UGT2A1: variants seen among roughly 807,000 people sequenced by gnomAD.
The protein encoded by UGT2A1 is UDP-glucuronosyltransferase 2A1.
In UGT2A1, 61 loss-of-function variants were observed where a neutral mutation model predicts 45.4. The observed-to-expected ratio is 1.34, with a 90% CI of 1.09 to 1.66. The LOEUF (loss-of-function observed/expected upper bound fraction) is 1.66, where lower values mean the gene tolerates loss of function less well. Among genes scored for constraint, UGT2A1 ranks in the 40% most tolerant of loss-of-function variants. The probability of loss-of-function intolerance (pLI) is 0.00; values close to 1 mark genes in which losing one functional copy is unlikely to be tolerated. For synonymous variants in UGT2A1, 229 were observed against 196.2 expected (o/e 1.17, Z -1.40); for missense variants, 649 against 574.3 (o/e 1.13, Z -1.33).
chr4:69,648,981 G>A (rs1722402284), intron 1 of UGT2A1, among the ~76,000 whole-genome samples: 2 of 152,020 alleles, frequency 1.3e-5, no homozygotes, highest in African/African-American at 2.4e-5. Flanking sequence ...CCAAAAGCAT[G>A]CTAACACAAT....
chr4:69,606,440 T>C lies in UGT2A1; in HGVS notation c.848-7046A>G, dbSNP rs530541745. ...ATGTATCTCAAAATAATAAGAGCTATCTATGACAGACCCACAGCCAATATC... is the reference window on the plus strand; with the variant it reads ...ATGTATCTCAAAATAATAAGAGCTACCTATGACAGACCCACAGCCAATATC... On this transcript the variant is annotated intron_variant, in intron 3 of 6. Coordinates refer to ENST00000286604, the MANE Select transcript of UGT2A1 (RefSeq NM_001252275.3). Among the ~76,000 whole-genome samples, 18 of 136,578 alleles carry C rather than the reference T, an allele frequency of 1.3e-4. 4 individuals carry two copies. The highest frequency in any genetic ancestry group is 5.0e-4 in the African/African-American group (17 of 33,682). 89.6% of individuals were successfully genotyped at this position (136,578 alleles called of 152,430 possible).
intron 4 of UGT2A1, chr4:69,596,458 G>A: frequency 1.4e-6 from 2 of 1,387,514 alleles, no homozygotes; most frequent in East Asian, 2.6e-5. Flanking sequence ...CATTTAAGTA[G>A]GTAAAATTAA....
chr4:69,633,398 GA>G (rs1291071242), intron 3 of UGT2A1, among the ~76,000 whole-genome samples: 1 of 152,104 alleles, frequency 6.6e-6, no homozygotes, highest in Non-Finnish European at 1.5e-5. Context: ...AACCTTTTGG[GA>G]AACTAAATTT....
At chr4:69,635,533 G>A (rs1475515777) in intron 3 of UGT2A1, among the ~76,000 whole-genome samples, 158 bp downstream of exon 3, 1 of 152,122 alleles carries the variant, frequency 6.6e-6, no homozygotes, top group Non-Finnish European at 1.5e-5. Flanking sequence ...AGTTGAGGAA[G>A]AAATAAAGTT....
intron 3 of UGT2A1, among the ~76,000 whole-genome samples, chr4:69,626,884 T>C (rs1019159535): frequency 6.6e-6 from 1 of 151,842 alleles, no homozygotes; most frequent in African/African-American, 2.4e-5. Flanking sequence ...AGTTCCTGTA[T>C]TCTTTTGAAA....
intron 3 of UGT2A1, among the ~76,000 whole-genome samples, chr4:69,607,266 G>T (rs79471843): frequency 6.7e-6 from 1 of 148,424 alleles, no homozygotes; most frequent in Admixed American, 6.7e-5. Context: ...ATAATGCTGC[G>T]TATCTACAAC....
chr4:69,621,114 C>T (rs72637477), intron 3 of UGT2A1, among the ~76,000 whole-genome samples: 5,115 of 151,902 alleles, frequency 0.034, 119 homozygotes, highest in Non-Finnish European at 0.056. Flanking sequence ...ACAAAGATGC[C>T]GAAAGCAATC....
At chr4:69,622,116 T>C (rs1232860267) in intron 3 of UGT2A1, among the ~76,000 whole-genome samples, 1 of 151,908 alleles carries the variant, frequency 6.6e-6, no homozygotes, top group Non-Finnish European at 1.5e-5. Flanking sequence ...TGTACCACAT[T>C]ACCTGTGTAA....
intron 3 of UGT2A1, among the ~76,000 whole-genome samples, chr4:69,626,934 T>G (rs1338159428): frequency 6.6e-6 from 1 of 151,862 alleles, no homozygotes; most frequent in Non-Finnish European, 1.5e-5. Context: ...TTTTTGGTAT[T>G]ACTAGATGGT....
At chr4:69,651,594 G>A (rs1251562060) in intron 1 of UGT2A1, among the ~76,000 whole-genome samples, 4 of 152,260 alleles carry the variant, frequency 2.6e-5, no homozygotes, top group African/African-American at 7.2e-5. Flanking sequence ...GGAATGTCAG[G>A]TGACAGTTCC....
chr4:69,613,261 T>A (rs965559168), intron 3 of UGT2A1, among the ~76,000 whole-genome samples: 4 of 151,846 alleles, frequency 2.6e-5, no homozygotes, highest in Non-Finnish European at 5.9e-5. Flanking sequence ...CCTAGACATA[T>A]ATAGCCCATA....
rs1372593326 is a variant in UGT2A1, at chr4:69,595,032, A to T, written c.1084+130T>A. 19 of 1,300,326 alleles carry T rather than the reference A, an allele frequency of 1.5e-5. 2 individuals are homozygous for T. In the South Asian group the frequency reaches 2.4e-4, roughly 16 times the overall value. The allele number at this position is 1,300,326 out of a possible 1,614,324, so 80.5% of individuals were successfully genotyped here. Reference sequence around the variant, plus strand: ...AATTAATGGCCAATTATGTAATTATATCTGCTTTAAAATTGAGTGTCAAAT... The same window carrying T: ...AATTAATGGCCAATTATGTAATTATTTCTGCTTTAAAATTGAGTGTCAAAT... On this transcript the variant is annotated intron_variant, in intron 5 of 6. Coordinates refer to ENST00000286604, the MANE Select transcript of UGT2A1 (RefSeq NM_001252275.3).
chr4:69,617,763 C>G (rs1198298873), intron 3 of UGT2A1, among the ~76,000 whole-genome samples: 2 of 151,696 alleles, frequency 1.3e-5, no homozygotes, highest in African/African-American at 2.4e-5. Context: ...TTATAATACA[C>G]TTACTATCTA....
chr4:69,615,207 A>C (rs1412539571), intron 3 of UGT2A1, among the ~76,000 whole-genome samples: 1 of 151,968 alleles, frequency 6.6e-6, no homozygotes, highest in African/African-American at 2.4e-5. Context: ...CACCCTGAAA[A>C]ATTAAATCAC....
At chr4:69,609,451 CT>C (rs1347008625) in intron 3 of UGT2A1, among the ~76,000 whole-genome samples, 1 of 151,978 alleles carries the variant, frequency 6.6e-6, no homozygotes, top group East Asian at 1.9e-4. Context: ...ATACCTTGGC[CT>C]CCTAAAGAGC....
At chr4:69,614,632 A>G (rs562775044) in intron 3 of UGT2A1, among the ~76,000 whole-genome samples, 2 of 152,172 alleles carry the variant, frequency 1.3e-5, no homozygotes, top group South Asian at 4.1e-4. Flanking sequence ...ATATAGACCA[A>G]TGGAATAGAA....
intron 4 of UGT2A1, among the ~76,000 whole-genome samples, chr4:69,595,739 A>T (rs955852042): frequency 3.3e-5 from 5 of 152,222 alleles, no homozygotes; most frequent in South Asian, 2.1e-4. Context: ...TTGAATTTTA[A>T]TTGTTTTTAG....
At chr4:69,605,688 A>G (rs908807288) in intron 3 of UGT2A1, among the ~76,000 whole-genome samples, 3 of 137,012 alleles carry the variant, frequency 2.2e-5, no homozygotes, top group African/African-American at 8.9e-5. Context: ...AGACTAATAA[A>G]GAAGAAAAGA....
intron 4 of UGT2A1, among the ~76,000 whole-genome samples, chr4:69,597,729 CACACACAAACATACACAT>C (rs1315219110): frequency 3.9e-5 from 6 of 151,984 alleles, no homozygotes; most frequent in Non-Finnish European, 5.9e-5. Flanking sequence ...CACACACACA[CACACACAAACATACACAT>C]ACACACAAAC....
Sources: allele counts gnomAD v4.1 joint callset (sites outside exome capture counted in the v4.1 genomes callset), GRCh38; gene constraint gnomAD v4.1.1; transcripts MANE v1.5; gene names NCBI Gene and HGNC (gene_info 2026-07-23, HGNC 2026-07-21).